SENP6: variants seen among roughly 807,000 people sequenced by gnomAD.
The protein encoded by SENP6 is sentrin-specific protease 6.
Under a neutral mutation model 134.5 loss-of-function variants are expected in SENP6, and 41 were observed. That is an observed-to-expected ratio of 0.30 (90% CI 0.24 to 0.40). SENP6 has a LOEUF of 0.40. Among genes scored for constraint, SENP6 ranks in the 10% least tolerant of loss-of-function variants. SENP6 has a pLI of 1.00. For synonymous variants in SENP6, 395 were observed against 429.8 expected (o/e 0.92, Z 1.00); for missense variants, 1,248 against 1,312.5 (o/e 0.95, Z 0.76).
chr6:75,634,101 C>T (rs1419079573), intron 4 of SENP6, among the ~76,000 whole-genome samples: 3 of 152,094 alleles, frequency 2.0e-5, no homozygotes, highest in Non-Finnish European at 1.5e-5. Flanking sequence ...ATTTCTTATT[C>T]CTCCTTTTTA....
At chr6:75,691,627 C>T (rs6936565) in intron 16 of SENP6, among the ~76,000 whole-genome samples, 91,793 of 151,000 alleles carry the variant, frequency 0.61, 28,211 homozygotes, top group South Asian at 0.67. Context: ...TGAGACGGAG[C>T]CTCGCTCTGT....
At chr6:75,689,722 G>A (rs561758306) in intron 16 of SENP6, among the ~76,000 whole-genome samples, 29 of 152,108 alleles carry the variant, frequency 1.9e-4, no homozygotes, top group East Asian at 9.6e-4. Context: ...TATTCAGTAC[G>A]GTAACATACT....
At chr6:75,682,888 T>C (rs144719252) in intron 16 of SENP6, among the ~76,000 whole-genome samples, 2,807 of 152,290 alleles carry the variant, frequency 0.018, 39 homozygotes, top group Non-Finnish European at 0.031. Flanking sequence ...GTCTTTATAG[T>C]AGCATGATTT....
intron 5 of SENP6, among the ~76,000 whole-genome samples, chr6:75,640,053 A>G (rs925430385): frequency 2.6e-5 from 4 of 152,170 alleles, no homozygotes; most frequent in Non-Finnish European, 5.9e-5. Context: ...AATTTTTCAG[A>G]TATTGAGAAT....
chr6:75,636,591 T>A (rs1350038695), intron 5 of SENP6, among the ~76,000 whole-genome samples: 1 of 152,142 alleles, frequency 6.6e-6, no homozygotes, highest in African/African-American at 2.4e-5. Context: ...AACAAATGAT[T>A]ACATGCATGG....
At position 75,663,475 on chromosome 6, in the gene SENP6, C is replaced by T. The variant is rs1430919454; in HGVS notation, c.951C>T (p.Asn317=). Reference sequence around the variant, plus strand: ...GGGCAAAAATACCCAAAATCACAAACTTGAAAGAAAGGAAAACAAGTTTGT... The same window carrying T: ...GGGCAAAAATACCCAAAATCACAAATTTGAAAGAAAGGAAAACAAGTTTGT... ...LPGAKIPKIT[N]LKERKTSLSD... Residue 317 remains asparagine, a synonymous_variant, in exon 9 of 24, where the codon AAC becomes AAT. Transcript: ENST00000447266. 1 of 1,612,276 alleles carries T rather than the reference C, an allele frequency of 6.2e-7. No homozygotes were observed. The highest frequency in any genetic ancestry group is 1.7e-5 in the Admixed American group (1 of 59,772).
chr6:75,635,022 A>G (rs547019296), intron 5 of SENP6: 6 of 637,738 alleles, frequency 9.4e-6, no homozygotes, highest in African/African-American at 9.0e-5. Context: ...ATTTTTCACT[A>G]AGACCTGTTG....
At chr6:75,696,594 C>T (rs1012835022) in intron 17 of SENP6, among the ~76,000 whole-genome samples, 2 of 152,180 alleles carry the variant, frequency 1.3e-5, no homozygotes, top group African/African-American at 4.8e-5. Context: ...CCTTCCACCT[C>T]AGCCTCCCAA....
intron 18 of SENP6, among the ~76,000 whole-genome samples, chr6:75,701,633 CTTTT>C (rs60715314): frequency 1.2e-5 from 1 of 80,114 alleles, no homozygotes; most frequent in African/African-American, 5.0e-5. Flanking sequence ...ACAGTTTAAT[CTTTT>C]TTTTTTTTTT....
intron 1 of SENP6, among the ~76,000 whole-genome samples, chr6:75,609,798 A>T (rs1034506099): frequency 6.6e-6 from 1 of 152,188 alleles, no homozygotes; most frequent in African/African-American, 2.4e-5. Flanking sequence ...GAGATGGAGT[A>T]GATGGAGTCT....
intron 17 of SENP6, 37 bp downstream of exon 17, chr6:75,695,960 T>C: frequency 6.5e-7 from 1 of 1,537,662 alleles, no homozygotes; most frequent in South Asian, 1.3e-5. Context: ...CAGATGTAAG[T>C]CACTCACATT....
intron 19 of SENP6, among the ~76,000 whole-genome samples, chr6:75,707,355 CTTTTTTTTTTT>C (rs10564996): frequency 1.9e-4 from 14 of 74,696 alleles, no homozygotes; most frequent in African/African-American, 4.7e-4. Flanking sequence ...TCTTCTTCTT[CTTTTTTTTTTT>C]TTTTTTTTTT....
chr6:75,603,380 A>G (rs1766784111), intron 1 of SENP6, among the ~76,000 whole-genome samples: 1 of 152,178 alleles, frequency 6.6e-6, no homozygotes, highest in African/African-American at 2.4e-5. Context: ...TGTTATTGTA[A>G]TTGTAGCCCA....
At chr6:75,686,896 G>A (rs970153424) in intron 16 of SENP6, among the ~76,000 whole-genome samples, 1 of 152,132 alleles carries the variant, frequency 6.6e-6, no homozygotes, top group Non-Finnish European at 1.5e-5. Context: ...TTCTCAAGGA[G>A]TATCTTTGTG....
At chr6:75,675,505 T>G (rs2149877457) in intron 12 of SENP6, 37 bp downstream of exon 12, 1 of 1,272,688 alleles carries the variant, frequency 7.9e-7, no homozygotes, top group Middle Eastern at 2.1e-4. Context: ...ACCAAAGCTT[T>G]CTTTACACCA....
At chr6:75,657,011 T>G (rs1582785009) in intron 7 of SENP6, among the ~76,000 whole-genome samples, 1 of 152,276 alleles carries the variant, frequency 6.6e-6, no homozygotes, top group East Asian at 1.9e-4. Context: ...AATGATATTG[T>G]TTTTTTAAAT....
intron 1 of SENP6, among the ~76,000 whole-genome samples, chr6:75,604,515 C>T (rs1766877891): frequency 6.6e-6 from 1 of 151,676 alleles, no homozygotes; most frequent in Non-Finnish European, 1.5e-5. Context: ...GCCTGTAGTC[C>T]CAGCTACTGC....
intron 1 of SENP6, among the ~76,000 whole-genome samples, chr6:75,613,504 G>C (rs1561964109): frequency 6.6e-6 from 1 of 151,988 alleles, no homozygotes; most frequent in Non-Finnish European, 1.5e-5. Context: ...GTTCTTAATA[G>C]CAATATGAGA....
rs960419408 is a variant in SENP6 at position 75,678,639 on chromosome 6, TGAAGAA to T, written c.1912_1917del (p.Glu638_Glu639del). ...GCAAACAAGAATTTCAGTTTTTTGA[TGAAGAA>T]GAAGAAACTGGAGAAAACCACACCA... On this transcript the variant is annotated inframe_deletion, in exon 15 of 24. Coordinates refer to ENST00000447266, the MANE Select transcript of SENP6 (RefSeq NM_015571.4). 2 of 1,605,108 alleles carry T rather than the reference TGAAGAA, an allele frequency of 1.2e-6. No individual in the cohort carries two copies. The highest frequency in any genetic ancestry group is 2.2e-5 in the South Asian group (2 of 89,446).
Sources: gnomAD v4.1 joint callset for allele counts (sites outside exome capture counted in the v4.1 genomes callset) on GRCh38, gnomAD v4.1.1 for gene constraint, MANE v1.5 for transcripts, NCBI Gene and HGNC (gene_info 2026-07-23, HGNC 2026-07-21) for gene names.